The following CDH12 variants were observed in gnomAD, a reference collection of about 807,000 sequenced individuals.
CDH12 encodes the protein cadherin-12.
In CDH12, 41 loss-of-function variants were observed where a neutral mutation model predicts 74.1. That is an observed-to-expected ratio of 0.55 (90% CI 0.43 to 0.72). CDH12 has a LOEUF of 0.72. Among genes scored for constraint, CDH12 ranks in the 30% least tolerant of loss-of-function variants. CDH12 has a pLI of 0.00. For synonymous variants in CDH12, 399 were observed against 355.0 expected, an observed-to-expected ratio of 1.12 and a Z score of -1.39; for missense variants, 945 against 977.2, an observed-to-expected ratio of 0.97 and a Z score of 0.44.
At chr5:22,494,197 G>A (rs367688681) in intron 2 of CDH12, among the ~76,000 whole-genome samples, 8 of 152,238 alleles carry the variant, frequency 5.3e-5, no homozygotes, top group South Asian at 4.1e-4. Context: ...CAGGGTCACC[G>A]TCTGTGCAGT....
At position 22,452,880 on chromosome 5, in the gene CDH12, C is replaced by CAAAAAAAAAAAAAAAAAAAAAAAA. The variant is rs768945480; in HGVS notation, c.-427-47553_-427-47530dup. Among the ~76,000 whole-genome samples, 3 of 32,200 alleles carry CAAAAAAAAAAAAAAAAAAAAAAAA rather than the reference C, an allele frequency of 9.3e-5. 1 individual carries two copies. Among genetic ancestry groups the CAAAAAAAAAAAAAAAAAAAAAAAA allele is most frequent in the African/African-American group, 2.9e-4 (2 of 6,856 alleles). The allele number at this position is 32,200 out of a possible 152,430, so 21.1% of individuals were successfully genotyped here. On this transcript the variant is annotated intron_variant, in intron 2 of 14. Coordinates refer to ENST00000382254, the MANE Select transcript of CDH12 (RefSeq NM_004061.5). ...ATAAGAAACTCAAACAACCTAAGAGCAAAAAAAAAAAAAAAAAAAAAAAAT... is the reference window on the plus strand; with the variant it reads ...ATAAGAAACTCAAACAACCTAAGAGCAAAAAAAAAAAAAAAAAAAAAAAAAAAAAAAAAAAAAAAAAAAAAAAAT...
chr5:21,751,582 C>T lies in CDH12; in HGVS notation c.*155G>A. On this transcript the variant is annotated 3_prime_UTR_variant, in exon 15 of 15. Transcript: ENST00000382254. ...ATTAATTTAGTAACTTACTAGAAAC[C>T]AGGTAATCAAAGGAATCTTGTCCCA... 1.5e-6 allele frequency: 1 copy of T among 649,244 alleles called. No individual in the cohort carries two copies. Among genetic ancestry groups the T allele is most frequent in the Non-Finnish European group, 2.6e-6 (1 of 388,528 alleles). The allele number at this position is 649,244 out of a possible 1,614,324, so 40.2% of individuals were successfully genotyped here.
intron 4 of CDH12, among the ~76,000 whole-genome samples, chr5:22,146,475 A>G (rs550283558): frequency 2.6e-4 from 39 of 152,262 alleles, no homozygotes; most frequent in African/African-American, 9.4e-4. Context: ...GTTTTGTATA[A>G]GTTAAAAATA....
intron 6 of CDH12, chr5:21,882,753 A>G (rs2150034861): frequency 1.2e-6 from 2 of 1,604,810 alleles, no homozygotes; most frequent in South Asian, 1.1e-5. Flanking sequence ...GGCCGTTACA[A>G]TGGAGCCAAA....
chr5:22,105,563 T>G (rs1325037753), intron 4 of CDH12, among the ~76,000 whole-genome samples: 1 of 151,472 alleles, frequency 6.6e-6, no homozygotes, highest in Non-Finnish European at 1.5e-5. Flanking sequence ...CCAGGTGTGG[T>G]GTTCTGCACC....
At chr5:22,705,499 GCACACACACA>G (rs5866587) in intron 1 of CDH12, among the ~76,000 whole-genome samples, 1 of 143,606 alleles carries the variant, frequency 7.0e-6, no homozygotes. Flanking sequence ...CAACACACAT[GCACACACACA>G]CACACACACA....
chr5:22,390,623 T>C (rs935412347), intron 3 of CDH12, among the ~76,000 whole-genome samples: 2 of 146,718 alleles, frequency 1.4e-5, no homozygotes, highest in African/African-American at 5.0e-5. Flanking sequence ...GATAGATAGA[T>C]GATAGAATAT....
chr5:22,480,133 A>G (rs1006257234), intron 2 of CDH12, among the ~76,000 whole-genome samples: 10 of 152,200 alleles, frequency 6.6e-5, no homozygotes, highest in African/African-American at 2.4e-4. Context: ...CATGGCAGAT[A>G]TTAGACTTAA....
At chr5:22,848,991 T>C (rs961785876) in intron 1 of CDH12, among the ~76,000 whole-genome samples, 1 of 151,370 alleles carries the variant, frequency 6.6e-6, no homozygotes, top group African/African-American at 2.4e-5. Context: ...CAAAAAATGT[T>C]TTTTTTTTAG....
chr5:22,128,428 T>C (rs968965070), intron 4 of CDH12, among the ~76,000 whole-genome samples: 2 of 152,170 alleles, frequency 1.3e-5, no homozygotes, highest in African/African-American at 2.4e-5. Flanking sequence ...TTTTTCTTTT[T>C]TGTTACCTGC....
chr5:21,943,930 T>G (rs936924038), intron 6 of CDH12, among the ~76,000 whole-genome samples: 6 of 152,118 alleles, frequency 3.9e-5, no homozygotes, highest in Non-Finnish European at 7.4e-5. Context: ...AATCTATCCC[T>G]GAACATCAGT....
intron 1 of CDH12, among the ~76,000 whole-genome samples, chr5:22,831,020 T>A: frequency 6.6e-6 from 1 of 152,020 alleles, no homozygotes. Flanking sequence ...TAGGCATAAT[T>A]TAGTGCCTAT....
intron 1 of CDH12, among the ~76,000 whole-genome samples, chr5:22,810,994 T>C (rs1749113454): frequency 6.6e-6 from 1 of 151,726 alleles, no homozygotes; most frequent in East Asian, 1.9e-4. Flanking sequence ...TGTACATACA[T>C]ACACATATAG....
At chr5:22,274,740 T>A (rs940255316) in intron 3 of CDH12, among the ~76,000 whole-genome samples, 5 of 152,082 alleles carry the variant, frequency 3.3e-5, no homozygotes, top group Non-Finnish European at 7.4e-5. Context: ...ATTTTAGAGA[T>A]AAAATAGGGG....
chr5:21,852,696 C>A (rs1179926254), intron 7 of CDH12, among the ~76,000 whole-genome samples: 1 of 151,424 alleles, frequency 6.6e-6, no homozygotes, highest in Non-Finnish European at 1.5e-5. Flanking sequence ...TATATAAACT[C>A]ACCTACTTTA....
chr5:21,782,309 C>A (rs1745960053), intron 11 of CDH12, among the ~76,000 whole-genome samples: 1 of 152,194 alleles, frequency 6.6e-6, no homozygotes, highest in Non-Finnish European at 1.5e-5. Flanking sequence ...GTTAGACTTA[C>A]TTTTAATAAT....
chr5:22,181,449 A>G (rs1418770835), intron 4 of CDH12, among the ~76,000 whole-genome samples: 2 of 152,046 alleles, frequency 1.3e-5, no homozygotes, highest in Admixed American at 6.6e-5. Context: ...TGAAAGACTC[A>G]TCTTTGCCTT....
Position 21,923,011 on chromosome 5 carries a change from C to T in CDH12, c.526+52080G>A, listed in dbSNP as rs147527520. 2.2e-3 allele frequency among the ~76,000 whole-genome samples: 336 copies of T among 150,952 alleles called. 2 individuals are homozygous for T. The highest frequency in any genetic ancestry group is 1.8e-3 in the Non-Finnish European group (122 of 67,690). ...GGAGAGAAGGAGAGAGGAGCACGCA[C>T]CCACGTACACACTCTCCAATAGGTC... On this transcript the variant is annotated intron_variant, in intron 6 of 14. Coordinates refer to ENST00000382254, the MANE Select transcript of CDH12 (RefSeq NM_004061.5).
At chr5:22,528,213 T>C (rs1737376853) in intron 1 of CDH12, among the ~76,000 whole-genome samples, 1 of 152,118 alleles carries the variant, frequency 6.6e-6, no homozygotes, top group Admixed American at 6.6e-5. Context: ...GCTATTATAG[T>C]TTCCTTAGCC....
Sources: gnomAD v4.1 joint callset for allele counts (sites outside exome capture counted in the v4.1 genomes callset) on GRCh38, gnomAD v4.1.1 for gene constraint, MANE v1.5 for transcripts, NCBI Gene and HGNC (gene_info 2026-07-23, HGNC 2026-07-21) for gene names.